The following KLF12 variants were observed in gnomAD, a reference collection of about 807,000 sequenced individuals.
KLF12 encodes the protein KLF transcription factor 12.
In KLF12, 9 loss-of-function variants were observed where a neutral mutation model predicts 37.8. The ratio of observed to expected loss-of-function variants is 0.24; its 90% CI spans 0.14 to 0.42. KLF12 has a LOEUF of 0.42. Among genes scored for constraint, KLF12 ranks in the 10% least tolerant of loss-of-function variants. The pLI, the probability that KLF12 is intolerant of heterozygous loss-of-function variation, is 1.00. For missense variants in KLF12, 411 were observed against 516.0 expected, an observed-to-expected ratio of 0.80 and a Z score of 1.97; for synonymous variants, 208 against 202.1, an observed-to-expected ratio of 1.03 and a Z score of -0.25.
chr13:74,189,906 C>A, the KLF12 span, among the ~76,000 whole-genome samples: 1 of 151,996 alleles, frequency 6.6e-6, no homozygotes, highest in South Asian at 2.1e-4. Flanking sequence ...AATGTTTCGA[C>A]TAGTCGAAAC....
At chr13:74,295,816 T>C in the KLF12 span, among the ~76,000 whole-genome samples, 2 of 152,114 alleles carry the variant, frequency 1.3e-5, no homozygotes, top group Admixed American at 6.5e-5. Context: ...TTAAAATTTA[T>C]TTACTTATTT....
At position 73,758,026 on chromosome 13, in the gene KLF12, A is replaced by G. The variant is rs187350871; in HGVS notation, c.869+6912T>C. Among the ~76,000 whole-genome samples the G allele has an allele frequency of 9.8e-4, 149 of 151,958 alleles. 2 individuals are homozygous for G. The highest frequency in any genetic ancestry group is 3.2e-3 in the African/African-American group (133 of 41,454). ...TATGACTCCCCACATTCCCTTCTTCATGTTTCATTATGACATGACCATTGC... is the reference window on the plus strand; with the variant it reads ...TATGACTCCCCACATTCCCTTCTTCGTGTTTCATTATGACATGACCATTGC... On this transcript the variant is annotated intron_variant, in intron 6 of 7. Coordinates refer to ENST00000377669, the MANE Select transcript of KLF12 (RefSeq NM_007249.5).
intron 5 of KLF12, among the ~76,000 whole-genome samples, chr13:73,778,247 T>C (rs1037227560): frequency 4.6e-5 from 7 of 152,118 alleles, no homozygotes; most frequent in Non-Finnish European, 8.8e-5. Flanking sequence ...CTGAGTGACA[T>C]AGAATAGGCA....
the KLF12 span, among the ~76,000 whole-genome samples, chr13:74,159,874 A>G: frequency 6.6e-6 from 1 of 151,850 alleles, no homozygotes; most frequent in Non-Finnish European, 1.5e-5. Flanking sequence ...CAAAAACTGC[A>G]TGTCTGTGTC....
At chr13:74,266,500 G>C in the KLF12 span, among the ~76,000 whole-genome samples, 1 of 152,124 alleles carries the variant, frequency 6.6e-6, no homozygotes, top group Non-Finnish European at 1.5e-5. Flanking sequence ...GCACAGGAAT[G>C]GTTCCAAGCC....
At chr13:74,071,497 T>C (rs984808810) in intron 1 of KLF12, among the ~76,000 whole-genome samples, 3 of 149,984 alleles carry the variant, frequency 2.0e-5, no homozygotes, top group African/African-American at 7.4e-5. Context: ...CCATCCTGGC[T>C]AACACAGTGA....
At chr13:74,188,360 T>C in the KLF12 span, among the ~76,000 whole-genome samples, 1 of 152,172 alleles carries the variant, frequency 6.6e-6, no homozygotes, top group Non-Finnish European at 1.5e-5. Flanking sequence ...AAAATTTAAA[T>C]TAGAATTATA....
chr13:74,285,013 T>C, the KLF12 span, among the ~76,000 whole-genome samples: 1 of 152,342 alleles, frequency 6.6e-6, no homozygotes, highest in Non-Finnish European at 1.5e-5. Context: ...TGGAGGTTTA[T>C]GAAAGTTTCT....
At chr13:74,036,667 G>A (rs1421355417) in intron 1 of KLF12, among the ~76,000 whole-genome samples, 1 of 152,216 alleles carries the variant, frequency 6.6e-6, no homozygotes, top group East Asian at 1.9e-4. Context: ...GCATATCCCT[G>A]TGGTGGGACA....
At chr13:74,253,005 ATCTATCTATCTATCTATCTGTCTG>A in the KLF12 span, among the ~76,000 whole-genome samples, 302 of 132,874 alleles carry the variant, frequency 2.3e-3, 1 homozygote, top group African/African-American at 0.011. Flanking sequence ...CTATCTATCT[ATCTATCTATCTATCTATCTGTCTG>A]TCTATCTACC....
chr13:74,220,998 G>T, the KLF12 span, among the ~76,000 whole-genome samples: 1 of 149,954 alleles, frequency 6.7e-6, no homozygotes, highest in Non-Finnish European at 1.5e-5. Context: ...TTTTTTGTTT[G>T]CTTGTTTGTT....
At chr13:74,213,214 TAAC>T in the KLF12 span, among the ~76,000 whole-genome samples, 8 of 152,162 alleles carry the variant, frequency 5.3e-5, no homozygotes, top group African/African-American at 1.7e-4. Context: ...TTTTTTCACT[TAAC>T]AATATACTGT....
chr13:74,233,957 T>C, the KLF12 span, among the ~76,000 whole-genome samples: 1 of 152,174 alleles, frequency 6.6e-6, no homozygotes, highest in Non-Finnish European at 1.5e-5. Context: ...TACTTTGATA[T>C]AAATCTACCA....
At chr13:73,705,971 G>T (rs976854473) in intron 7 of KLF12, among the ~76,000 whole-genome samples, 2 of 152,098 alleles carry the variant, frequency 1.3e-5, no homozygotes, top group Non-Finnish European at 2.9e-5. Context: ...GTCCAACATG[G>T]TGAAACCCCG....
intron 6 of KLF12, among the ~76,000 whole-genome samples, chr13:73,741,985 C>T (rs1052937385): frequency 6.6e-6 from 1 of 151,398 alleles, no homozygotes; most frequent in Non-Finnish European, 1.5e-5. Context: ...CAAGAGACTT[C>T]ACTTTCCTGC....
At chr13:73,944,698 A>G (rs977825164) in intron 2 of KLF12, among the ~76,000 whole-genome samples, 1 of 152,206 alleles carries the variant, frequency 6.6e-6, no homozygotes, top group Non-Finnish European at 1.5e-5. Context: ...TTATTCTGGT[A>G]TATGTTTTGC....
chr13:74,013,185 T>A (rs1178712707), intron 1 of KLF12, among the ~76,000 whole-genome samples: 1 of 152,246 alleles, frequency 6.6e-6, no homozygotes, highest in African/African-American at 2.4e-5. Flanking sequence ...TGCCTGAAGT[T>A]ACCAAAAGGC....
At chr13:74,243,130 G>A in the KLF12 span, among the ~76,000 whole-genome samples, 75 of 151,888 alleles carry the variant, frequency 4.9e-4, no homozygotes, top group African/African-American at 1.4e-3. Flanking sequence ...GACAGGCCCC[G>A]GTGTGTGATA....
At chr13:73,911,800 G>T (rs965186591) in intron 3 of KLF12, among the ~76,000 whole-genome samples, 1 of 152,164 alleles carries the variant, frequency 6.6e-6, no homozygotes, top group Non-Finnish European at 1.5e-5. Flanking sequence ...TTATGGAAAT[G>T]GATTTTGTCT....
Sources: gnomAD v4.1 joint callset for allele counts (sites outside exome capture counted in the v4.1 genomes callset) on GRCh38, gnomAD v4.1.1 for gene constraint, MANE v1.5 for transcripts, NCBI Gene and HGNC (gene_info 2026-07-23, HGNC 2026-07-21) for gene names.